The following SPATA16 variants were observed in gnomAD, a reference collection of about 807,000 sequenced individuals.
The protein encoded by SPATA16 is spermatogenesis associated 16, also known as spermatogenesis-associated protein 16.
Under a neutral mutation model 63.3 loss-of-function variants are expected in SPATA16, and 36 were observed. The observed-to-expected ratio is 0.57, with a 90% CI of 0.44 to 0.75. SPATA16 has a LOEUF of 0.75. Ranked by LOEUF, SPATA16 falls within the 30% of genes least tolerant of loss-of-function variation. The pLI is 0.00. For missense variants in SPATA16, 646 were observed against 679.3 expected (o/e 0.95, Z 0.54); for synonymous variants, 203 against 216.7 (o/e 0.94, Z 0.56).
At chr3:173,101,616 G>T (rs1156707091) in intron 2 of SPATA16, among the ~76,000 whole-genome samples, 3 of 152,196 alleles carry the variant, frequency 2.0e-5, no homozygotes, top group Non-Finnish European at 1.5e-5. Flanking sequence ...TCTTTGTCCT[G>T]ACATCATCTG....
rs539373353 is a variant in SPATA16, at chr3:173,101,279, G to A, written c.612+15841C>T. ...CCTCTTTGAATGAGACACTCCAAAA[G>A]CCTCATTCCAATTGTGCTGGAAATC... On this transcript the variant is annotated intron_variant, in intron 2 of 10. Transcript: ENST00000351008. Among the ~76,000 whole-genome samples the A allele has an allele frequency of 5.3e-5, 8 of 152,242 alleles. No homozygotes were observed. The East Asian group carries it at 1.5e-3, about 29-fold the overall frequency.
intron 4 of SPATA16, among the ~76,000 whole-genome samples, chr3:172,995,073 T>G (rs1734665418): frequency 6.6e-6 from 1 of 152,072 alleles, no homozygotes; most frequent in Non-Finnish European, 1.5e-5. Flanking sequence ...TATTGATTAC[T>G]TAAAGTCAGA....
chr3:172,967,864 C>T (rs1377512919), intron 5 of SPATA16, among the ~76,000 whole-genome samples: 1 of 152,142 alleles, frequency 6.6e-6, no homozygotes, highest in Non-Finnish European at 1.5e-5. Flanking sequence ...GCTCAGGGCT[C>T]CCACTAATCC....
Position 173,007,945 on chromosome 3 carries a change from A to G in SPATA16, c.848+11541T>C, listed in dbSNP as rs140801443. Among the ~76,000 whole-genome samples, 124 of 152,318 alleles carry G rather than the reference A, an allele frequency of 8.1e-4. 1 individual carries two copies. The highest frequency in any genetic ancestry group is 2.9e-3 in the African/African-American group (121 of 41,576). ...TGCTAAAAACATATTTTAAGAAATA[A>G]TCTTATTGAATATATTCAACTGATA... On this transcript the variant is annotated intron_variant, in intron 4 of 10. Transcript: ENST00000351008.
At chr3:173,105,925 A>G (rs2108328543) in intron 2 of SPATA16, among the ~76,000 whole-genome samples, 1 of 150,426 alleles carries the variant, frequency 6.6e-6, no homozygotes, top group South Asian at 2.1e-4. Context: ...ACAAAGTAAA[A>G]CTTACCTTCC....
intron 2 of SPATA16, among the ~76,000 whole-genome samples, chr3:173,076,171 G>C (rs1438335946): frequency 6.9e-6 from 1 of 145,000 alleles, no homozygotes. Context: ...CTATTTATAT[G>C]TTACCCATGT....
intron 2 of SPATA16, among the ~76,000 whole-genome samples, chr3:173,114,179 CAAAAAAAA>C (rs34754459): frequency 1.5e-5 from 1 of 66,306 alleles, no homozygotes. Flanking sequence ...GACTCCATCT[CAAAAAAAA>C]AAAAAAAAAA....
intron 2 of SPATA16, among the ~76,000 whole-genome samples, chr3:173,112,016 T>G (rs991864194): frequency 6.6e-6 from 1 of 152,230 alleles, no homozygotes; most frequent in African/African-American, 2.4e-5. Flanking sequence ...TATCTTTCCT[T>G]CTAACTTTTA....
At chr3:173,112,129 CT>C (rs1222885472) in intron 2 of SPATA16, among the ~76,000 whole-genome samples, 3 of 152,268 alleles carry the variant, frequency 2.0e-5, no homozygotes, top group African/African-American at 7.2e-5. Context: ...CACTCTCCCC[CT>C]ACACACACTT....
chr3:172,946,158 A>T (rs750471025), intron 6 of SPATA16, among the ~76,000 whole-genome samples: 14 of 152,202 alleles, frequency 9.2e-5, no homozygotes, highest in Admixed American at 6.5e-5. Flanking sequence ...AGCAGGGTTC[A>T]TCACTTGCTG....
Position 173,117,421 on chromosome 3 carries a change from T to A in SPATA16, c.311A>T (p.Asp104Val). 6.2e-7 allele frequency: 1 copy of A among 1,614,178 alleles called. No homozygotes were observed. Among genetic ancestry groups the A allele is most frequent in the Non-Finnish European group, 8.5e-7 (1 of 1,180,006 alleles). The change falls in exon 2 of 11, where the codon GAC (aspartate) becomes GTC (valine). Residue 104 changes from aspartate to valine, a missense_variant. Coordinates refer to ENST00000351008, the MANE Select transcript of SPATA16 (RefSeq NM_031955.6). ...RKKQAKITEL[D>V]NQLITMPLPH... ...CAGAGGCATGGTGATTAACTGATTG[T>A]CAAGTTCTGTTATCTTTGCCTGTTT...
Position 172,924,312 on chromosome 3 carries a change from T to C in SPATA16, c.1234A>G (p.Lys412Glu), listed in dbSNP as rs768863123. 6.2e-7 allele frequency: 1 copy of C among 1,611,654 alleles called. No individual in the cohort carries two copies. Among genetic ancestry groups the C allele is most frequent in the African/African-American group, 1.3e-5 (1 of 74,884 alleles). The change falls in exon 8 of 11, where the codon AAA becomes GAA. Residue 412 changes from lysine (K) to glutamate (E), a missense_variant. By Grantham distance (56) the Lys-to-Glu change is moderately conservative. Transcript: ENST00000351008. Reference sequence around the variant, plus strand: ...TCTCTGGTCAGACCGAAAGGTGTTTTATGCTCTAAAAATTGTAACAATAAA... The same window carrying C: ...TCTCTGGTCAGACCGAAAGGTGTTTCATGCTCTAAAAATTGTAACAATAAA... ...SRKLPIFTEHKTPFGLTREDT... is the reference protein window; with the variant it reads ...SRKLPIFTEHETPFGLTREDT...
chr3:173,045,748 A>T (rs561480078), intron 3 of SPATA16, among the ~76,000 whole-genome samples: 2 of 151,960 alleles, frequency 1.3e-5, no homozygotes, highest in South Asian at 4.2e-4. Flanking sequence ...GCTAATATTT[A>T]TTTATTTATT....
chr3:173,022,027 G>A (rs1483093174), intron 3 of SPATA16, among the ~76,000 whole-genome samples: 1 of 152,032 alleles, frequency 6.6e-6, no homozygotes, highest in Non-Finnish European at 1.5e-5. Context: ...GGAAGGAGGG[G>A]TAGTGAAGAA....
At chr3:173,128,792 A>G (rs1738293780) in intron 1 of SPATA16, among the ~76,000 whole-genome samples, 1 of 152,248 alleles carries the variant, frequency 6.6e-6, no homozygotes, top group African/African-American at 2.4e-5. Context: ...CCAGAAAATT[A>G]CTTTTTTGGT....
intron 7 of SPATA16, among the ~76,000 whole-genome samples, chr3:172,925,025 AT>A (rs1258368834): frequency 6.6e-6 from 1 of 152,226 alleles, no homozygotes; most frequent in Non-Finnish European, 1.5e-5. Context: ...TTGATTTCAT[AT>A]AGTAGTTTTA....
intron 4 of SPATA16, among the ~76,000 whole-genome samples, chr3:172,977,493 TA>T (rs1468977807): frequency 6.6e-6 from 1 of 152,124 alleles, no homozygotes; most frequent in African/African-American, 2.4e-5. Flanking sequence ...AGTTAAGTAT[TA>T]TTCACCTCTT....
chr3:172,997,198 A>G (rs1221172432), intron 4 of SPATA16, among the ~76,000 whole-genome samples: 1 of 152,166 alleles, frequency 6.6e-6, no homozygotes, highest in Non-Finnish European at 1.5e-5. Context: ...TAGTTTTATA[A>G]GAAACTGTCA....
At chr3:173,028,847 A>T (rs191071002) in intron 3 of SPATA16, among the ~76,000 whole-genome samples, 21 of 152,176 alleles carry the variant, frequency 1.4e-4, no homozygotes, top group Admixed American at 1.2e-3. Flanking sequence ...ATCTGTGAAG[A>T]TCATCACCAT....
Sources: gnomAD v4.1 joint callset for allele counts (sites outside exome capture counted in the v4.1 genomes callset) on GRCh38, gnomAD v4.1.1 for gene constraint, MANE v1.5 for transcripts, NCBI Gene and HGNC (gene_info 2026-07-23, HGNC 2026-07-21) for gene names.